CACNA1A: variants seen among roughly 807,000 people sequenced by gnomAD.
CACNA1A encodes the protein calcium voltage-gated channel subunit alpha1 A.
Under a neutral mutation model 262.4 loss-of-function variants are expected in CACNA1A, and 57 were observed. That is an observed-to-expected ratio of 0.22 (90% CI 0.18 to 0.27). CACNA1A has a LOEUF of 0.27. Among genes scored for constraint, CACNA1A ranks in the 10% least tolerant of loss-of-function variants. CACNA1A has a pLI of 1.00. For synonymous variants in CACNA1A, 1,431 were observed against 1,419.3 expected (o/e 1.01, Z -0.18); for missense variants, 2,526 against 3,562.8 (o/e 0.71, Z 7.41).
In CACNA1A at chr19:13,207,465, C is replaced by A. The variant is rs954720308; in HGVS notation, c.7369G>T (p.Ala2457Ser). Residue 2457 changes from alanine (A) to serine (S), a missense_variant, in exon 47 of 47, where the codon GCC (alanine) becomes TCC (serine). Ala to Ser is a moderately conservative substitution (Grantham distance 99). Coordinates refer to ENST00000360228, the MANE Select transcript of CACNA1A (RefSeq NM_001127222.2). This position sits in a 1 kb window ranked among gnomAD's most constrained non-coding sequence, Gnocchi z 5.7. Reference protein sequence around the residue: ...ATGRSPRTPRASGPACASPSR... With the variant: ...ATGRSPRTPRSSGPACASPSR... Reference sequence around the variant, plus strand: ...GGCGAGGCGCAGGCCGGGCCCGAGGCCCGGGGAGTCCTGGGCGAGCGCCCG... The same window carrying A: ...GGCGAGGCGCAGGCCGGGCCCGAGGACCGGGGAGTCCTGGGCGAGCGCCCG... The A allele has an allele frequency of 1.3e-6, 2 of 1,482,510 alleles. No homozygotes were observed. The highest frequency in any genetic ancestry group is 2.8e-5 in the East Asian group (1 of 35,782). The allele number at this position is 1,482,510 out of a possible 1,614,324, so 91.8% of individuals were successfully genotyped here.
At chr19:13,409,071 T>C (rs553972564) in intron 3 of CACNA1A, among the ~76,000 whole-genome samples, 25 of 152,342 alleles carry the variant, frequency 1.6e-4, no homozygotes, top group African/African-American at 5.3e-4. Flanking sequence ...CAGGCCACTT[T>C]CTCATTCACG....
chr19:13,347,875 G>A (rs1471330880), intron 6 of CACNA1A, among the ~76,000 whole-genome samples: 1 of 152,156 alleles, frequency 6.6e-6, no homozygotes, highest in Non-Finnish European at 1.5e-5. Flanking sequence ...CCAAACATTA[G>A]CAACCACTGG....
intron 6 of CACNA1A, among the ~76,000 whole-genome samples, chr19:13,357,689 C>T (rs1430939810): frequency 3.3e-5 from 5 of 152,148 alleles, no homozygotes; most frequent in African/African-American, 9.7e-5. Context: ...AACTTGCACA[C>T]CTAAATATCT....
At chr19:13,246,415 A>G (rs1227461241) in intron 30 of CACNA1A, among the ~76,000 whole-genome samples, 2 of 152,148 alleles carry the variant, frequency 1.3e-5, no homozygotes, top group African/African-American at 4.8e-5. Context: ...GGCGACCAGT[A>G]ACATTTTGAA....
intron 3 of CACNA1A, among the ~76,000 whole-genome samples, chr19:13,391,662 TG>T (rs2059712356): frequency 6.6e-6 from 1 of 152,018 alleles, no homozygotes; most frequent in African/African-American, 2.4e-5. Context: ...TTTGGGAGGC[TG>T]AGACAGGAGG....
chr19:13,497,454 C>T (rs1467314879), intron 1 of CACNA1A, among the ~76,000 whole-genome samples: 1 of 114,998 alleles, frequency 8.7e-6, no homozygotes, highest in African/African-American at 3.5e-5. Flanking sequence ...CGCCATTGCA[C>T]TCCAGCCTGG....
intron 3 of CACNA1A, among the ~76,000 whole-genome samples, chr19:13,435,113 T>A (rs1017797244): frequency 5.3e-5 from 8 of 151,060 alleles, no homozygotes; most frequent in Admixed American, 6.6e-5. Context: ...TTTAATTTTT[T>A]AAAAATAATT....
chr19:13,311,872 T>A (rs915002958), intron 12 of CACNA1A, among the ~76,000 whole-genome samples: 76 of 116,792 alleles, frequency 6.5e-4, no homozygotes, highest in Non-Finnish European at 9.8e-4. Flanking sequence ...TAAAAAAAAA[T>A]AAATAAATTA....
chr19:13,428,615 CGTTCCATTTCACAGATAAGGAAACCGCA>C (rs1352605044), intron 3 of CACNA1A, among the ~76,000 whole-genome samples: 1 of 152,304 alleles, frequency 6.6e-6, no homozygotes, highest in East Asian at 1.9e-4. Flanking sequence ...CAGGTGGCAT[CGTTCCATTTCACAGATAAGGAAACCGCA>C]GGTCAGAGTG....
intron 28 of CACNA1A, 124 bp downstream of exon 28, chr19:13,257,226 T>C (rs2056596940): frequency 5.6e-6 from 4 of 718,534 alleles, no homozygotes; most frequent in South Asian, 3.8e-5. Context: ...CTGGATTCGG[T>C]TGGGACAATG....
intron 25 of CACNA1A, 86 bp from the exon 26 acceptor site, chr19:13,261,696 G>T: frequency 7.7e-7 from 1 of 1,300,770 alleles, no homozygotes; most frequent in Non-Finnish European, 1.1e-6. Flanking sequence ...CCAAAATACT[G>T]CCATGATCAT....
At chr19:13,350,752 C>A (rs1041906388) in intron 6 of CACNA1A, among the ~76,000 whole-genome samples, 2 of 152,154 alleles carry the variant, frequency 1.3e-5, no homozygotes, top group African/African-American at 4.8e-5. Flanking sequence ...GCCTATAATC[C>A]CAGTGACTCT....
rs896790084 is a variant in CACNA1A, at chr19:13,489,003, C to CTTTTTTTTTTTTTTTTTTT, written c.293+16910_293+16928dup. On this transcript the variant is annotated intron_variant, in intron 1 of 46. Coordinates refer to ENST00000360228, the MANE Select transcript of CACNA1A (RefSeq NM_001127222.2). Reference sequence around the variant, plus strand: ...TATTGTAATTAATTTCTTTTCTTTTCTTTTTTTTTTTTTTTTTTTTTTTTT... The same window carrying CTTTTTTTTTTTTTTTTTTT: ...TATTGTAATTAATTTCTTTTCTTTTCTTTTTTTTTTTTTTTTTTTTTTTTTTTTTTTTTTTTTTTTTTTT... Among the ~76,000 whole-genome samples, 13 of 75,222 alleles carry CTTTTTTTTTTTTTTTTTTT rather than the reference C, an allele frequency of 1.7e-4. 3 individuals carry two copies. The highest frequency in any genetic ancestry group is 8.0e-4 in the African/African-American group (11 of 13,786). 49.3% of individuals were successfully genotyped at this position (75,222 alleles called of 152,430 possible). A position where few individuals can be genotyped will look rare whatever the true frequency, so the allele number is the denominator to read the frequency against.
chr19:13,332,980 T>C (rs2058492285), intron 8 of CACNA1A, 55 bp from the exon 9 acceptor site: 1 of 1,403,140 alleles, frequency 7.1e-7, no homozygotes, highest in East Asian at 2.3e-5. Flanking sequence ...GAGTTCTCCC[T>C]TGGACCAGGA....
At chr19:13,502,233 G>A (rs1045399021) in intron 1 of CACNA1A, among the ~76,000 whole-genome samples, 5 of 151,758 alleles carry the variant, frequency 3.3e-5, no homozygotes, top group Admixed American at 2.6e-4. Flanking sequence ...GATGTCACCT[G>A]ATGTCAATGT....
intron 38 of CACNA1A, among the ~76,000 whole-genome samples, chr19:13,217,864 A>G (rs747657357): frequency 8.9e-4 from 135 of 151,444 alleles, no homozygotes; most frequent in Middle Eastern, 3.5e-3. Context: ...AGCCTTTGAA[A>G]TGTCCTGCCT....
intron 36 of CACNA1A, among the ~76,000 whole-genome samples, chr19:13,227,946 C>CTG (rs1318950326): frequency 1.6e-5 from 2 of 123,382 alleles, no homozygotes; most frequent in African/African-American, 6.2e-5. Context: ...CAGGGTCTCT[C>CTG]TCTGTCGCCT....
At chr19:13,346,124 G>T (rs992818345) in intron 6 of CACNA1A, among the ~76,000 whole-genome samples, 1 of 152,096 alleles carries the variant, frequency 6.6e-6, no homozygotes, top group African/African-American at 2.4e-5. Context: ...GGCTGGTCTG[G>T]AACTCTTGAC....
At chr19:13,261,837 A>G (rs1450527363) in intron 25 of CACNA1A, 10 of 508,966 alleles carry the variant, frequency 2.0e-5, no homozygotes, top group South Asian at 2.8e-5. Flanking sequence ...ATGGGATACC[A>G]GAGATGCTTT....
Sources: allele counts gnomAD v4.1 joint callset (sites outside exome capture counted in the v4.1 genomes callset), GRCh38; gene constraint gnomAD v4.1.1; non-coding constraint Gnocchi (gnomAD v3.1); transcripts MANE v1.5; gene names NCBI Gene and HGNC (gene_info 2026-07-23, HGNC 2026-07-21).